UBE2L3: variants seen among roughly 807,000 people sequenced by gnomAD.
UBE2L3 encodes ubiquitin-conjugating enzyme E2 L3.
A neutral mutation model predicts 17.8 loss-of-function variants in UBE2L3; 1 was observed. That is an observed-to-expected ratio of 0.06 (90% CI 0.02 to 0.27). The LOEUF (loss-of-function observed/expected upper bound fraction) is 0.27, where lower values mean the gene tolerates loss of function less well. Among genes scored for constraint, UBE2L3 ranks in the 10% least tolerant of loss-of-function variants. The pLI, the probability that UBE2L3 is intolerant of heterozygous loss-of-function variation, is 1.00. For synonymous variants in UBE2L3, 44 were observed against 68.5 expected (o/e 0.64, Z 1.76); for missense variants, 40 against 192.6 (o/e 0.21, Z 4.69).
chr22:21,616,958 C>T (rs1390266379), intron 3 of UBE2L3, among the ~76,000 whole-genome samples: 3 of 151,770 alleles, frequency 2.0e-5, no homozygotes, highest in African/African-American at 4.8e-5. Flanking sequence ...TGTCTGTAAT[C>T]CCAGCACTTT....
intron 2 of UBE2L3, 32 bp from the exon 3 acceptor site, chr22:21,610,825 G>C (rs368516487): frequency 6.4e-7 from 1 of 1,556,650 alleles, no homozygotes; most frequent in East Asian, 2.3e-5. Flanking sequence ...ATGAACCATG[G>C]TGTGTTCATT....
chr22:21,611,162 T>A, intron 3 of UBE2L3, 119 bp downstream of exon 3: 2 of 1,197,496 alleles, frequency 1.7e-6, no homozygotes, highest in Non-Finnish European at 2.3e-6. Context: ...ACGAAAAATG[T>A]AGCTGAGGTC....
At position 21,576,577 on chromosome 22, in the gene UBE2L3, C is replaced by T. The variant is rs187107987; in HGVS notation, c.27+8806C>T. On this transcript the variant is annotated intron_variant, in intron 1 of 3. Coordinates refer to ENST00000342192, the MANE Select transcript of UBE2L3 (RefSeq NM_003347.4). ...TCTCCCAAAGTGCTGGGATTACAGG[C>T]GTGAGCCACCATGCCCGGCCCCCAA... Among the ~76,000 whole-genome samples the T allele has an allele frequency of 1.6e-3, 238 of 152,042 alleles. 1 individual carries two copies. Among genetic ancestry groups the T allele is most frequent in the African/African-American group, 5.4e-3 (222 of 41,478 alleles).
chr22:21,574,981 G>C (rs1180386647), intron 1 of UBE2L3, among the ~76,000 whole-genome samples: 1 of 151,064 alleles, frequency 6.6e-6, no homozygotes, highest in Admixed American at 6.6e-5. Flanking sequence ...TGTTGGCTTG[G>C]CGCAGTAGCT....
intron 2 of UBE2L3, among the ~76,000 whole-genome samples, chr22:21,598,771 C>T (rs775125068): frequency 5.9e-5 from 9 of 151,658 alleles, no homozygotes; most frequent in Non-Finnish European, 1.0e-4. Context: ...TGGGCTCAAG[C>T]GATCCTCCTG....
At chr22:21,605,105 A>G (rs1371740428) in intron 2 of UBE2L3, among the ~76,000 whole-genome samples, 1 of 152,216 alleles carries the variant, frequency 6.6e-6, no homozygotes, top group Non-Finnish European at 1.5e-5. Context: ...GGCTGGGACT[A>G]CAGGTGTGCA....
At chr22:21,556,340 A>G (rs1926223661) in intron 1 of UBE2L3, among the ~76,000 whole-genome samples, 1 of 151,974 alleles carries the variant, frequency 6.6e-6, no homozygotes, top group African/African-American at 2.4e-5. Flanking sequence ...AGCTGCAGTG[A>G]GCAATGATCA....
intron 1 of UBE2L3, among the ~76,000 whole-genome samples, chr22:21,570,676 G>A (rs981159047): frequency 3.1e-4 from 47 of 152,258 alleles, no homozygotes; most frequent in African/African-American, 1.1e-3. Flanking sequence ...GCTGATCATT[G>A]GCTGTGAGAA....
At chr22:21,618,969 C>T (rs1039327606) in intron 3 of UBE2L3, among the ~76,000 whole-genome samples, 2 of 152,142 alleles carry the variant, frequency 1.3e-5, no homozygotes, top group Non-Finnish European at 2.9e-5. Flanking sequence ...AACTCCTGAG[C>T]GTGCCCCTAA....
intron 2 of UBE2L3, among the ~76,000 whole-genome samples, chr22:21,610,341 A>G (rs1929414540): frequency 6.6e-6 from 1 of 152,230 alleles, no homozygotes; most frequent in African/African-American, 2.4e-5. Context: ...TAGCAGCTAC[A>G]TATTGCATGA....
Position 21,607,514 on chromosome 22 carries a change from T to TAA in UBE2L3, c.124-3321_124-3320dup, listed in dbSNP as rs758366095. 1.1e-3 allele frequency among the ~76,000 whole-genome samples: 124 copies of TAA among 108,942 alleles called. 1 individual carries two copies. The highest frequency in any genetic ancestry group is 4.1e-3 in the East Asian group (15 of 3,618). The allele number at this position is 108,942 out of a possible 152,430, so 71.5% of individuals were successfully genotyped here. Reference sequence around the variant, plus strand: ...TGGGCGACAGAGCGAGACTCCGTCTTAAAAAAAAAAAAAAAAAAAAAAAGA... The same window carrying TAA: ...TGGGCGACAGAGCGAGACTCCGTCTTAAAAAAAAAAAAAAAAAAAAAAAAAGA... On this transcript the variant is annotated intron_variant, in intron 2 of 3. Transcript: ENST00000342192.
chr22:21,576,802 T>TTTTTTA (rs1491373379), intron 1 of UBE2L3, among the ~76,000 whole-genome samples: 4 of 66,756 alleles, frequency 6.0e-5, no homozygotes, highest in African/African-American at 3.3e-4. Flanking sequence ...TTCTCTTTCC[T>TTTTTTA]TTTTTTTTTT....
intron 2 of UBE2L3, among the ~76,000 whole-genome samples, chr22:21,598,337 G>A (rs1222104237): frequency 6.6e-6 from 1 of 151,852 alleles, no homozygotes; most frequent in Admixed American, 6.6e-5. Context: ...ATTTAAAGCT[G>A]TAGATTCCCT....
intron 3 of UBE2L3, among the ~76,000 whole-genome samples, chr22:21,619,400 T>G (rs1268996464): frequency 6.6e-6 from 1 of 152,158 alleles, no homozygotes; most frequent in Non-Finnish European, 1.5e-5. Context: ...CCCTTGCCCC[T>G]GCTTGCTGTT....
chr22:21,598,211 T>TGTGTGTGTGTGTGTGTGTG (rs1555885650), intron 2 of UBE2L3, among the ~76,000 whole-genome samples: 14 of 98,114 alleles, frequency 1.4e-4, no homozygotes, highest in African/African-American at 4.0e-4. Flanking sequence ...GTGTGTGTGT[T>TGTGTGTGTGTGTGTGTGTG]TTTCATTTAT....
At chr22:21,588,645 A>G (rs1390682560) in intron 1 of UBE2L3, among the ~76,000 whole-genome samples, 1 of 150,630 alleles carries the variant, frequency 6.6e-6, no homozygotes, top group African/African-American at 2.4e-5. Context: ...ATGCCTGGCT[A>G]CTTTTTTTTA....
chr22:21,573,956 G>A (rs746172509), intron 1 of UBE2L3, among the ~76,000 whole-genome samples: 2 of 152,156 alleles, frequency 1.3e-5, no homozygotes, highest in Non-Finnish European at 2.9e-5. Context: ...TCTATAGAGG[G>A]GTCACTGAGG....
rs573775042 is a variant in UBE2L3, at chr22:21,577,743, TC to T, written c.27+9974del. On this transcript the variant is annotated intron_variant, in intron 1 of 3. Transcript: ENST00000342192. ...TTTGTTTGTTTTGGTTTTTAACACT[TC>T]CAGGGCTGTGTTGATTATAGTTTTC... Among the ~76,000 whole-genome samples, 477 of 152,344 alleles carry T rather than the reference TC, an allele frequency of 3.1e-3. 3 individuals carry two copies. Among genetic ancestry groups the T allele is most frequent in the African/African-American group, 0.01 (427 of 41,584 alleles).
At chr22:21,616,528 T>C (rs957086509) in intron 3 of UBE2L3, among the ~76,000 whole-genome samples, 2 of 151,972 alleles carry the variant, frequency 1.3e-5, no homozygotes, top group Non-Finnish European at 2.9e-5. Flanking sequence ...GGCGTGCACC[T>C]GTAGTCCCAG....
Sources: gnomAD v4.1 joint callset for allele counts (sites outside exome capture counted in the v4.1 genomes callset) on GRCh38, gnomAD v4.1.1 for gene constraint, MANE v1.5 for transcripts, NCBI Gene and HGNC (gene_info 2026-07-23, HGNC 2026-07-21) for gene names.